SASH1: variants seen among roughly 807,000 people sequenced by gnomAD.
SASH1 encodes SAM and SH3 domain-containing protein 1.
SASH1 carries 44 observed loss-of-function variants against 125.2 expected under a neutral mutation model. That is an observed-to-expected ratio of 0.35 (90% confidence interval 0.28 to 0.45). The LOEUF (loss-of-function observed/expected upper bound fraction) is 0.45, where lower values mean the gene tolerates loss of function less well. SASH1 is among the 20% of genes least tolerant of loss of function. The probability of loss-of-function intolerance (pLI) is 1.00; values close to 1 mark genes in which losing one functional copy is unlikely to be tolerated. For missense variants in SASH1, 1,426 were observed against 1,614.5 expected, an observed-to-expected ratio of 0.88 and a Z score of 2.00; for synonymous variants, 639 against 649.1, an observed-to-expected ratio of 0.98 and a Z score of 0.24.
the SASH1 span, among the ~76,000 whole-genome samples, chr6:148,259,844 A>C: frequency 6.6e-6 from 1 of 152,148 alleles, no homozygotes; most frequent in Non-Finnish European, 1.5e-5. Flanking sequence ...TGTCATTTTA[A>C]CACCATTTGG....
intron 1 of SASH1, among the ~76,000 whole-genome samples, chr6:148,385,674 A>G (rs781460231): frequency 7.2e-5 from 11 of 152,138 alleles, no homozygotes; most frequent in African/African-American, 9.7e-5. Context: ...GATTTAATCA[A>G]TCATGCCTGC....
chr6:148,437,032 A>G (rs541807348), intron 2 of SASH1, among the ~76,000 whole-genome samples: 3 of 152,318 alleles, frequency 2.0e-5, no homozygotes, highest in Admixed American at 2.0e-4. Context: ...TGACATCCAG[A>G]TCGGGAGCTG....
At chr6:148,485,768 T>C (rs574133952) in intron 7 of SASH1, among the ~76,000 whole-genome samples, 2 of 152,340 alleles carry the variant, frequency 1.3e-5, no homozygotes, top group East Asian at 3.9e-4. Flanking sequence ...GAGCAATAAC[T>C]GTCATTGTAG....
At chr6:148,365,054 C>T (rs1169839329) in intron 1 of SASH1, among the ~76,000 whole-genome samples, 4 of 151,352 alleles carry the variant, frequency 2.6e-5, no homozygotes, top group Non-Finnish European at 4.4e-5. Context: ...ACCTGAGAGG[C>T]GGAGGTTGCA....
At chr6:148,531,418 G>T in intron 12 of SASH1, 108 bp from the exon 13 acceptor site, 1 of 938,394 alleles carries the variant, frequency 1.1e-6, no homozygotes, top group East Asian at 2.9e-5. Context: ...ATCAAATATA[G>T]GTATAGATTG....
chr6:148,416,963 G>A (rs1784845423), intron 2 of SASH1, among the ~76,000 whole-genome samples: 1 of 152,108 alleles, frequency 6.6e-6, no homozygotes, highest in African/African-American at 2.4e-5. Flanking sequence ...CAGGTGATGG[G>A]GACCCTCAAG....
At chr6:148,206,574 G>A in the SASH1 span, among the ~76,000 whole-genome samples, 2,996 of 152,158 alleles carry the variant, frequency 0.02, 95 homozygotes, top group African/African-American at 0.069. Context: ...TGGACCACCC[G>A]AAGTCAGGAG....
At chr6:148,359,596 A>G (rs1223348249) in intron 1 of SASH1, among the ~76,000 whole-genome samples, 1 of 152,176 alleles carries the variant, frequency 6.6e-6, no homozygotes, top group African/African-American at 2.4e-5. Flanking sequence ...TGGGTATTCC[A>G]TAAACTTAGT....
At chr6:148,406,240 G>A (rs1442952769) in intron 2 of SASH1, among the ~76,000 whole-genome samples, 1 of 152,092 alleles carries the variant, frequency 6.6e-6, no homozygotes, top group East Asian at 1.9e-4. Flanking sequence ...TGTTCTGGCT[G>A]GTCATAGGAA....
At chr6:148,457,501 T>G (rs1049597630) in intron 4 of SASH1, among the ~76,000 whole-genome samples, 1 of 152,162 alleles carries the variant, frequency 6.6e-6, no homozygotes, top group Non-Finnish European at 1.5e-5. Context: ...TGCGTGACCT[T>G]GGACAAGTCA....
chr6:148,298,671 A>G (rs144377160), intron 1 of SASH1, among the ~76,000 whole-genome samples: 2,211 of 40,358 alleles, frequency 0.055, 18 homozygotes, highest in African/African-American at 0.1. Context: ...GGGAGGGAGG[A>G]AGGAAGGAAG....
intron 1 of SASH1, among the ~76,000 whole-genome samples, chr6:148,287,760 T>A (rs538618200): frequency 2.8e-4 from 43 of 152,254 alleles, no homozygotes; most frequent in African/African-American, 1.0e-3. Context: ...CATTTGTAAA[T>A]TTAGTTAATG....
At chr6:148,394,318 T>G (rs1206976829) in intron 2 of SASH1, among the ~76,000 whole-genome samples, 1 of 152,200 alleles carries the variant, frequency 6.6e-6, no homozygotes, top group Non-Finnish European at 1.5e-5. Flanking sequence ...AAAGTCTAGA[T>G]GTCCATGTTA....
the SASH1 span, among the ~76,000 whole-genome samples, chr6:148,219,113 C>G: frequency 2.6e-5 from 4 of 152,168 alleles, no homozygotes; most frequent in African/African-American, 9.7e-5. Flanking sequence ...AGCATCCTCA[C>G]TTCTCAGAAA....
chr6:148,465,556 A>G (rs561772046), intron 4 of SASH1, among the ~76,000 whole-genome samples: 5 of 151,720 alleles, frequency 3.3e-5, no homozygotes, highest in Non-Finnish European at 7.4e-5. Context: ...GAGAAAAAAA[A>G]AAAAAAAAAA....
At chr6:148,477,825 G>A (rs112297211) in intron 7 of SASH1, among the ~76,000 whole-genome samples, 1,952 of 151,372 alleles carry the variant, frequency 0.013, 32 homozygotes, top group African/African-American at 0.043. Flanking sequence ...AGCCTCCCGA[G>A]AAGCTGGGAT....
chr6:148,219,221 T>C, the SASH1 span, among the ~76,000 whole-genome samples: 1 of 152,214 alleles, frequency 6.6e-6, no homozygotes, highest in African/African-American at 2.4e-5. Flanking sequence ...CTACATCTAA[T>C]TGATTCTCTC....
chr6:148,233,742 C>CAA, the SASH1 span, among the ~76,000 whole-genome samples: 68 of 60,520 alleles, frequency 1.1e-3, 3 homozygotes, highest in Middle Eastern at 8.6e-3. Flanking sequence ...TTCCTCTCTA[C>CAA]AAAAAAAAAA....
At chr6:148,512,004 C>CATTTATTTATTTATTTATTTATTT (rs79447361) in intron 8 of SASH1, among the ~76,000 whole-genome samples, 76 of 129,098 alleles carry the variant, frequency 5.9e-4, no homozygotes, top group African/African-American at 2.0e-3. Context: ...TTGATTTCAA[C>CATTTATTTATTTATTTATTTATTT]ATTTATTTAT....
Sources: gnomAD v4.1 joint callset for allele counts (sites outside exome capture counted in the v4.1 genomes callset) on GRCh38, gnomAD v4.1.1 for gene constraint, MANE v1.5 for transcripts, NCBI Gene and HGNC (gene_info 2026-07-23, HGNC 2026-07-21) for gene names.